The following PCDHA12 variants were observed in gnomAD, a reference collection of about 807,000 sequenced individuals.
PCDHA12 encodes the protein protocadherin alpha 12.
Under a neutral mutation model 60.0 loss-of-function variants are expected in PCDHA12, and 44 were observed. The ratio of observed to expected loss-of-function variants is 0.73; its 90% CI spans 0.58 to 0.94. The LOEUF (loss-of-function observed/expected upper bound fraction) is 0.94. Ranked by LOEUF, PCDHA12 falls within the 40% of genes least tolerant of loss-of-function variation. The probability of loss-of-function intolerance (pLI) is 0.00; values close to 1 mark genes in which losing one functional copy is unlikely to be tolerated. For synonymous variants in PCDHA12, 569 were observed against 553.0 expected, an observed-to-expected ratio of 1.03 and a Z score of -0.40; for missense variants, 1,276 against 1,239.7, an observed-to-expected ratio of 1.03 and a Z score of -0.44.
chr5:140,883,777 G>T, intron 1 of PCDHA12: 3 of 1,612,364 alleles, frequency 1.9e-6, no homozygotes, highest in Non-Finnish European at 1.7e-6. Flanking sequence ...GCGAGCGTGC[G>T]CTGTCGAGCT....
In PCDHA12 at chr5:140,875,841, G is replaced by A; in HGVS notation, c.369G>A (p.Val123=). ...AGGTTTTCCATGTGGACGTGGAGGT[G>A]AAGGACATTAACGACAACCCGCCGG... ...PLQVFHVDVE[V]KDINDNPPVF... Residue 123 remains valine, a synonymous_variant, in exon 1 of 4, where the codon GTG becomes GTA. Transcript: ENST00000398631. 2 of 1,614,164 alleles carry A rather than the reference G, an allele frequency of 1.2e-6. No individual in the cohort carries two copies. Among genetic ancestry groups the A allele is most frequent in the Non-Finnish European group, 1.7e-6 (2 of 1,180,020 alleles).
intron 3 of PCDHA12, among the ~76,000 whole-genome samples, chr5:140,990,426 G>A (rs3756324): frequency 0.3 from 46,292 of 152,022 alleles, 7,253 homozygotes; most frequent in East Asian, 0.43. Flanking sequence ...AACCAGCATT[G>A]ACCCAATCTT....
intron 1 of PCDHA12, chr5:140,884,589 C>G: frequency 1.9e-6 from 3 of 1,614,146 alleles, no homozygotes; most frequent in Admixed American, 3.3e-5. Context: ...GCCTTCAGTC[C>G]CAGCCTTCCT....
intron 1 of PCDHA12, among the ~76,000 whole-genome samples, chr5:140,972,279 A>G (rs568636203): frequency 3.3e-5 from 5 of 150,992 alleles, no homozygotes; most frequent in South Asian, 4.2e-4. Context: ...AGCTTGGACC[A>G]TAGATGTGCG....
At position 140,877,727 on chromosome 5, in the gene PCDHA12, A is replaced by C; in HGVS notation, c.2255A>C (p.Gln752Pro). The C allele has an allele frequency of 6.2e-7, 1 of 1,614,136 alleles. No homozygotes were observed. The highest frequency in any genetic ancestry group is 1.1e-5 in the South Asian group (1 of 91,084). ...SSAVGSWSYS[Q>P]QRRQRVCSAE... is the part of the protein sequence containing the mutation. ...GCCGTGGGGAGTTGGTCTTACTCGC[A>C]GCAGAGGAGGCAGAGGGTGTGCTCT... Residue 752 changes from glutamine (Q) to proline (P), a missense_variant, in exon 1 of 4, where the codon CAG becomes CCG. Coordinates refer to ENST00000398631, the MANE Select transcript of PCDHA12 (RefSeq NM_018903.4).
At chr5:140,993,569 A>G (rs1311165766) in intron 3 of PCDHA12, among the ~76,000 whole-genome samples, 1 of 151,734 alleles carries the variant, frequency 6.6e-6, no homozygotes, top group East Asian at 1.9e-4. Flanking sequence ...TATCCTTTCT[A>G]GGGATGCTTT....
intron 3 of PCDHA12, among the ~76,000 whole-genome samples, chr5:141,004,794 G>A (rs1272334301): frequency 6.6e-6 from 1 of 152,144 alleles, no homozygotes; most frequent in Non-Finnish European, 1.5e-5. Context: ...GGCAGATTCT[G>A]GCTGAGCTCA....
At position 140,971,319 on chromosome 5, in the gene PCDHA12, A is replaced by C. The variant is rs568701560; in HGVS notation, c.2368-7630A>C. ...TGGTACACAAACATTTAATCTAGGG[A>C]GAAAATTATTTCAGAAAGTGCTTGC... is the stretch of plus-strand genomic sequence containing the variant. On this transcript the variant is annotated intron_variant, in intron 1 of 3. Transcript: ENST00000398631. Among the ~76,000 whole-genome samples the C allele has an allele frequency of 2.1e-4, 32 of 152,346 alleles. 1 individual carries two copies. Among genetic ancestry groups the C allele is most frequent in the Admixed American group, 2.0e-3 (31 of 15,306 alleles).
At chr5:141,004,839 C>G (rs1168305271) in intron 3 of PCDHA12, among the ~76,000 whole-genome samples, 1 of 152,168 alleles carries the variant, frequency 6.6e-6, no homozygotes, top group Non-Finnish European at 1.5e-5. Context: ...AGATCAAAGT[C>G]ATTAGTCTCA....
At position 140,957,153 on chromosome 5, in the gene PCDHA12, A is replaced by G. The variant is rs988889035; in HGVS notation, c.2368-21796A>G. Among the ~76,000 whole-genome samples, 121 of 152,268 alleles carry G rather than the reference A, an allele frequency of 7.9e-4. 1 individual carries two copies. Among genetic ancestry groups the G allele is most frequent in the East Asian group, 3.9e-4 (2 of 5,186 alleles). On this transcript the variant is annotated intron_variant, in intron 1 of 3. Transcript: ENST00000398631. Reference sequence around the variant, plus strand: ...ACACTATGAACTAAAAATTTTGGAGACAAATCTAAGTATATAAATTGGTTT... The same window carrying G: ...ACACTATGAACTAAAAATTTTGGAGGCAAATCTAAGTATATAAATTGGTTT...
chr5:140,927,277 G>T, intron 1 of PCDHA12: 1 of 1,614,016 alleles, frequency 6.2e-7, no homozygotes, highest in Non-Finnish European at 8.5e-7. Context: ...TGCCGGCGAC[G>T]TGCAGCTGCA....
intron 1 of PCDHA12, among the ~76,000 whole-genome samples, chr5:140,895,936 G>A (rs1428112046): frequency 6.6e-6 from 1 of 151,984 alleles, no homozygotes; most frequent in Non-Finnish European, 1.5e-5. Context: ...TCAGCCTCCC[G>A]AGTAGCTGGG....
rs1382251688 is a variant in PCDHA12, at chr5:141,010,812, C to A, written c.*875C>A. The A allele has an allele frequency of 6.5e-6, 1 of 153,746 alleles. No homozygotes were observed. Among genetic ancestry groups the A allele is most frequent in the Non-Finnish European group, 1.5e-5 (1 of 68,054 alleles). The allele number at this position is 153,746 out of a possible 1,614,324, so 9.5% of individuals were successfully genotyped here. On this transcript the variant is annotated 3_prime_UTR_variant, in exon 4 of 4. Coordinates refer to ENST00000398631, the MANE Select transcript of PCDHA12 (RefSeq NM_018903.4). The stretch of plus-strand genomic sequence containing the variant: ...GCAAAAGAAAACCCCGACACCTCAC[C>A]TTTCGCTGTTTGTTGTTTCATAGAT...
chr5:140,922,176 C>CA (rs3836750), intron 1 of PCDHA12, among the ~76,000 whole-genome samples: 11 of 150,702 alleles, frequency 7.3e-5, no homozygotes, highest in East Asian at 5.8e-4. Flanking sequence ...GTACAGCAGA[C>CA]AAAAAAAAAG....
intron 1 of PCDHA12, among the ~76,000 whole-genome samples, chr5:140,942,639 G>C (rs923095335): frequency 1.3e-5 from 2 of 151,806 alleles, no homozygotes; most frequent in African/African-American, 2.4e-5. Flanking sequence ...AATGGCAAAA[G>C]AGATCTCATT....
intron 1 of PCDHA12, among the ~76,000 whole-genome samples, chr5:140,880,055 C>G (rs1024788960): frequency 1.3e-5 from 2 of 152,146 alleles, no homozygotes; most frequent in Admixed American, 6.5e-5. Flanking sequence ...GTGGGCATAA[C>G]TTTTTGGGGA....
chr5:140,963,838 T>C (rs1414191733), intron 1 of PCDHA12, among the ~76,000 whole-genome samples: 3 of 152,254 alleles, frequency 2.0e-5, no homozygotes, highest in Admixed American at 1.3e-4. Context: ...CATTTTCTCA[T>C]GTAATCATAA....
At chr5:140,929,276 G>A (rs1554206920) in intron 1 of PCDHA12, 2 of 1,604,822 alleles carry the variant, frequency 1.2e-6, no homozygotes, top group African/African-American at 1.3e-5. Flanking sequence ...CCAATATCCT[G>A]TATTCAGATT....
chr5:140,929,539 G>A (rs155821), intron 1 of PCDHA12: 194,060 of 591,620 alleles, frequency 0.33, 32,601 homozygotes, highest in East Asian at 0.49. Flanking sequence ...TGAGAAACAA[G>A]GGCAAAAATT....
Sources: gnomAD v4.1 joint callset for allele counts (sites outside exome capture counted in the v4.1 genomes callset) on GRCh38, gnomAD v4.1.1 for gene constraint, MANE v1.5 for transcripts, NCBI Gene and HGNC (gene_info 2026-07-23, HGNC 2026-07-21) for gene names.